HYCC1: variants seen among roughly 807,000 people sequenced by gnomAD.
HYCC1 encodes hyccin PI4KA lipid kinase complex subunit 1, also known as hyccin.
the HYCC1 span, among the ~76,000 whole-genome samples, chr7:22,911,866 A>G: frequency 1.3e-5 from 2 of 152,276 alleles, no homozygotes; most frequent in African/African-American, 2.4e-5. Context: ...CTGATCATGT[A>G]GCCTCAACTT....
At chr7:22,940,104 G>C in the HYCC1 span, 2 of 151,988 alleles carry the variant, frequency 1.3e-5, no homozygotes, top group Admixed American at 6.6e-5. Flanking sequence ...TTCTCTACAA[G>C]TACCCTTCTA....
chr7:22,946,110 C>T, the HYCC1 span: 4 of 1,613,212 alleles, frequency 2.5e-6, no homozygotes, highest in South Asian at 1.1e-5. Flanking sequence ...TAAAATCCCT[C>T]GTCAACTTCA....
At chr7:22,980,939 T>A in the HYCC1 span, among the ~76,000 whole-genome samples, 143 of 152,304 alleles carry the variant, frequency 9.4e-4, no homozygotes, top group African/African-American at 3.1e-3. Context: ...TCTTTATAAG[T>A]TTCTTGAACA....
chr7:22,919,779 A>C, the HYCC1 span, among the ~76,000 whole-genome samples: 1 of 152,156 alleles, frequency 6.6e-6, no homozygotes, highest in African/African-American at 2.4e-5. Context: ...AACAGAATGA[A>C]GAAAAATTAA....
chr7:22,910,748 G>T, the HYCC1 span, among the ~76,000 whole-genome samples: 3 of 151,824 alleles, frequency 2.0e-5, no homozygotes, highest in East Asian at 3.9e-4. Context: ...ATTACTTTTG[G>T]CATAAAATAT....
chr7:22,978,702 T>A, the HYCC1 span, among the ~76,000 whole-genome samples: 1 of 152,280 alleles, frequency 6.6e-6, no homozygotes, highest in East Asian at 1.9e-4. Flanking sequence ...ATCTCCCGCC[T>A]CCTGAGTTTA....
chr7:23,006,211 G>T, the HYCC1 span, among the ~76,000 whole-genome samples: 1 of 152,096 alleles, frequency 6.6e-6, no homozygotes, highest in Non-Finnish European at 1.5e-5. Flanking sequence ...TAAAGGGAGG[G>T]AACAGAAGAG....
chr7:23,000,315 A>T, the HYCC1 span, among the ~76,000 whole-genome samples: 1 of 152,212 alleles, frequency 6.6e-6, no homozygotes, highest in East Asian at 1.9e-4. Context: ...CCAAAACAAA[A>T]TATATCTCCT....
chr7:22,952,872 T>A, the HYCC1 span, among the ~76,000 whole-genome samples: 1 of 151,878 alleles, frequency 6.6e-6, no homozygotes, highest in Admixed American at 6.6e-5. Flanking sequence ...AAACAAAGAC[T>A]AAGATGTCAA....
At chr7:22,990,102 T>C in the HYCC1 span, among the ~76,000 whole-genome samples, 1 of 152,170 alleles carries the variant, frequency 6.6e-6, no homozygotes, top group African/African-American at 2.4e-5. Context: ...TTTCTGAACA[T>C]AACATTTCAA....
chr7:23,000,288 T>C, the HYCC1 span, among the ~76,000 whole-genome samples: 1 of 152,092 alleles, frequency 6.6e-6, no homozygotes, highest in African/African-American at 2.4e-5. Context: ...TTAAAAATAT[T>C]GAGCAGTATA....
the HYCC1 span, among the ~76,000 whole-genome samples, chr7:23,004,549 T>C: frequency 6.6e-6 from 1 of 152,196 alleles, no homozygotes; most frequent in Non-Finnish European, 1.5e-5. Flanking sequence ...GTTCTCATAG[T>C]GAAAACAAAA....
At chr7:23,000,773 T>C in the HYCC1 span, among the ~76,000 whole-genome samples, 3 of 151,954 alleles carry the variant, frequency 2.0e-5, no homozygotes, top group Admixed American at 6.6e-5. Flanking sequence ...TCTTGAATAA[T>C]CCCTCTTAGA....
the HYCC1 span, among the ~76,000 whole-genome samples, chr7:22,972,159 C>T: frequency 6.6e-6 from 1 of 152,098 alleles, no homozygotes; most frequent in African/African-American, 2.4e-5. Flanking sequence ...AATATGCCAG[C>T]TGTCATTTAC....
At chr7:22,969,065 A>T in the HYCC1 span, among the ~76,000 whole-genome samples, 3 of 152,192 alleles carry the variant, frequency 2.0e-5, no homozygotes, top group Non-Finnish European at 4.4e-5. Context: ...GAAGAAGCCT[A>T]TCTGCAAAAA....
the HYCC1 span, among the ~76,000 whole-genome samples, chr7:23,004,218 T>C: frequency 6.6e-6 from 1 of 152,236 alleles, no homozygotes; most frequent in African/African-American, 2.4e-5. Flanking sequence ...CCTCCCAAAG[T>C]AATTGAAAGT....
chr7:22,898,223 A>T, the HYCC1 span, among the ~76,000 whole-genome samples: 3 of 148,934 alleles, frequency 2.0e-5, no homozygotes, highest in East Asian at 2.0e-4. Flanking sequence ...TTATTTATTT[A>T]TTTTTTTTGA....
chr7:22,976,470 AG>A, the HYCC1 span, among the ~76,000 whole-genome samples: 4 of 152,250 alleles, frequency 2.6e-5, no homozygotes, highest in African/African-American at 7.2e-5. Context: ...AGACTTTCCA[AG>A]TAACAGCCAT....
At chr7:22,930,803 C>T in the HYCC1 span, among the ~76,000 whole-genome samples, 1 of 152,024 alleles carries the variant, frequency 6.6e-6, no homozygotes, top group Non-Finnish European at 1.5e-5. Flanking sequence ...GTGGGCTTCA[C>T]TCCAGGAATG....
Sources: allele counts gnomAD v4.1 joint callset (sites outside exome capture counted in the v4.1 genomes callset), GRCh38; gene constraint gnomAD v4.1.1; transcripts MANE v1.5; gene names NCBI Gene and HGNC (gene_info 2026-07-23, HGNC 2026-07-21).